Variants in CNOT4 observed in about 807,000 individuals in gnomAD.
CNOT4 encodes CCR4-associated factor 4.
CNOT4 carries 8 observed loss-of-function variants against 73.8 expected under a neutral mutation model. That is an observed-to-expected ratio of 0.11 (90% CI 0.06 to 0.20). The LOEUF is 0.20. CNOT4 is among the 10% of genes least tolerant of loss of function. The pLI is 1.00. For missense variants in CNOT4, 564 were observed against 883.4 expected (o/e 0.64, Z 4.58); for synonymous variants, 293 against 321.1 (o/e 0.91, Z 0.94).
At chr7:135,435,708 T>C (rs1799117442) in intron 2 of CNOT4, among the ~76,000 whole-genome samples, 1 of 152,210 alleles carries the variant, frequency 6.6e-6, no homozygotes, top group African/African-American at 2.4e-5. Context: ...TGCACACCTT[T>C]ACATGTGAGA....
intron 10 of CNOT4, among the ~76,000 whole-genome samples, chr7:135,382,816 C>T (rs1795921964): frequency 6.6e-6 from 1 of 152,248 alleles, no homozygotes; most frequent in Non-Finnish European, 1.5e-5. Context: ...ATGTGCAGGT[C>T]ATATGCAAAT....
chr7:135,382,978 A>T (rs1585560615), intron 10 of CNOT4, among the ~76,000 whole-genome samples: 2 of 152,294 alleles, frequency 1.3e-5, no homozygotes, highest in East Asian at 3.9e-4. Flanking sequence ...TCACCTCCTA[A>T]GTATACAAAA....
chr7:135,494,819 C>T (rs750535939), intron 1 of CNOT4, among the ~76,000 whole-genome samples: 17 of 152,136 alleles, frequency 1.1e-4, no homozygotes, highest in Non-Finnish European at 2.2e-4. Flanking sequence ...ATAACATCCA[C>T]GGAAAAGGCC....
intron 1 of CNOT4, among the ~76,000 whole-genome samples, chr7:135,477,993 CA>C (rs1167263179): frequency 2.0e-5 from 3 of 151,926 alleles, no homozygotes; most frequent in African/African-American, 7.3e-5. Context: ...TTAACATGCA[CA>C]AATATGTATT....
intron 2 of CNOT4, among the ~76,000 whole-genome samples, chr7:135,427,724 AC>A (rs1430852033): frequency 3.9e-5 from 6 of 152,180 alleles, no homozygotes; most frequent in African/African-American, 1.4e-4. Context: ...GAGCTAATTA[AC>A]CCTTTTACTA....
chr7:135,421,441 G>C (rs918826201), intron 3 of CNOT4, among the ~76,000 whole-genome samples: 5 of 152,120 alleles, frequency 3.3e-5, no homozygotes, highest in African/African-American at 1.2e-4. Context: ...CAACAATCTA[G>C]TCAGTATCTC....
chr7:135,370,961 G>A (rs987255088), intron 10 of CNOT4, among the ~76,000 whole-genome samples: 2 of 152,176 alleles, frequency 1.3e-5, no homozygotes, highest in African/African-American at 4.8e-5. Context: ...TTTAAAGAAG[G>A]AATGTTTTAT....
chr7:135,363,242 G>T lies in CNOT4; in HGVS notation c.1841-56C>A. 1.3e-6 allele frequency: 2 copies of T among 1,548,002 alleles called. No homozygotes were observed. The highest frequency in any genetic ancestry group is 1.1e-5 in the South Asian group (1 of 89,216). On this transcript the variant is annotated intron_variant, in intron 11 of 11. Transcript: ENST00000541284. This position sits in a 1 kb window ranked among gnomAD's most constrained non-coding sequence, Gnocchi z 4.3. The stretch of plus-strand genomic sequence containing the variant: ...TGGTGAGTTTGTGTGGAAAGAATAA[G>T]GTCGTCAAACAAATTTAGAAAGCAA...
intron 2 of CNOT4, 64 bp downstream of exon 2, chr7:135,438,094 T>C (rs1162770752): frequency 1.2e-5 from 10 of 853,770 alleles, no homozygotes; most frequent in Admixed American, 2.0e-5. Flanking sequence ...CTTGCTCATA[T>C]ACATGGCAGC....
intron 2 of CNOT4, among the ~76,000 whole-genome samples, chr7:135,434,775 T>G (rs541965274): frequency 8.5e-5 from 13 of 152,332 alleles, no homozygotes; most frequent in African/African-American, 2.6e-4. Flanking sequence ...AATCTCATAC[T>G]TAACATGTCT....
intron 10 of CNOT4, chr7:135,388,675 C>T (rs954727065): frequency 1.2e-5 from 16 of 1,367,366 alleles, no homozygotes; most frequent in African/African-American, 8.7e-5. Flanking sequence ...GCATGAGGAA[C>T]GTTTATATTG....
intron 1 of CNOT4, among the ~76,000 whole-genome samples, chr7:135,483,713 A>G (rs115764993): frequency 1.3e-3 from 202 of 151,842 alleles, no homozygotes; most frequent in African/African-American, 3.7e-3. Context: ...AGTCCCAACC[A>G]CTCGGGGGGC....
chr7:135,387,540 T>C, intron 10 of CNOT4: 1 of 970,420 alleles, frequency 1.0e-6, no homozygotes. Flanking sequence ...GTATTCACAT[T>C]ATCCCCTTTC....
intron 10 of CNOT4, among the ~76,000 whole-genome samples, chr7:135,392,748 CTA>C (rs1363376498): frequency 6.6e-6 from 1 of 152,122 alleles, no homozygotes; most frequent in African/African-American, 2.4e-5. Flanking sequence ...GTAAATTTCA[CTA>C]TGTCAACAGC....
At chr7:135,504,467 T>TG (rs1372065539) in intron 1 of CNOT4, among the ~76,000 whole-genome samples, 1 of 60,572 alleles carries the variant, frequency 1.7e-5, no homozygotes, top group Admixed American at 1.6e-4. Flanking sequence ...GGCTAATTTT[T>TG]TTTTTTTTTT....
At chr7:135,404,333 A>G (rs1238877474) in intron 7 of CNOT4, among the ~76,000 whole-genome samples, 2 of 152,210 alleles carry the variant, frequency 1.3e-5, no homozygotes, top group Non-Finnish European at 2.9e-5. Context: ...TAGTTTGAGA[A>G]TCACTGCTTT....
chr7:135,403,988 A>G (rs997386137), intron 7 of CNOT4, among the ~76,000 whole-genome samples: 1 of 152,134 alleles, frequency 6.6e-6, no homozygotes, highest in African/African-American at 2.4e-5. Context: ...CCTATCTTTA[A>G]CTGCCCCTTA....
At chr7:135,411,225 G>A (rs765681060) in intron 6 of CNOT4, among the ~76,000 whole-genome samples, 100 of 151,964 alleles carry the variant, frequency 6.6e-4, no homozygotes, top group Non-Finnish European at 1.2e-3. Flanking sequence ...AAAAATTAAT[G>A]TATTTTAAAC....
intron 1 of CNOT4, among the ~76,000 whole-genome samples, chr7:135,499,308 T>C (rs1265536034): frequency 2.0e-5 from 3 of 152,050 alleles, no homozygotes; most frequent in African/African-American, 2.4e-5. Context: ...AAAAGGTATG[T>C]AGATAAAGGC....
Sources: allele counts gnomAD v4.1 joint callset (sites outside exome capture counted in the v4.1 genomes callset), GRCh38; gene constraint gnomAD v4.1.1; non-coding constraint Gnocchi (gnomAD v3.1); transcripts MANE v1.5; gene names NCBI Gene and HGNC (gene_info 2026-07-23, HGNC 2026-07-21).